Variants in FAM107B observed in about 807,000 individuals in gnomAD.
FAM107B encodes family with sequence similarity 107 member B, also known as protein FAM107B.
In FAM107B, 21 loss-of-function variants were observed where a neutral mutation model predicts 31.5. The ratio of observed to expected loss-of-function variants is 0.67; its 90% CI spans 0.47 to 0.96. The LOEUF (loss-of-function observed/expected upper bound fraction) is 0.96, where lower values mean the gene tolerates loss of function less well. Ranked by LOEUF, FAM107B falls within the 40% of genes least tolerant of loss-of-function variation. The probability of loss-of-function intolerance (pLI) is 0.00; values close to 1 mark genes in which losing one functional copy is unlikely to be tolerated. For missense variants in FAM107B, 452 were observed against 377.1 expected, an observed-to-expected ratio of 1.20 and a Z score of -1.64; for synonymous variants, 157 against 141.5, an observed-to-expected ratio of 1.11 and a Z score of -0.78.
chr10:14,743,658 G>A (rs561676620), intron 1 of FAM107B, among the ~76,000 whole-genome samples: 9 of 152,268 alleles, frequency 5.9e-5, no homozygotes, highest in Admixed American at 5.2e-4. Context: ...AAGATCAGAT[G>A]GTTGTAGATG....
chr10:14,545,383 G>T (rs1235831722), intron 2 of FAM107B, among the ~76,000 whole-genome samples: 2 of 152,124 alleles, frequency 1.3e-5, no homozygotes, highest in African/African-American at 4.8e-5. Flanking sequence ...CTGGGGGCTG[G>T]GGGTGTCCTG....
At chr10:14,669,783 C>T (rs1186729579) in intron 1 of FAM107B, among the ~76,000 whole-genome samples, 2 of 152,124 alleles carry the variant, frequency 1.3e-5, no homozygotes, top group Admixed American at 6.5e-5. Context: ...GGAAAGGGTG[C>T]GGTGTGGGGA....
intron 2 of FAM107B, among the ~76,000 whole-genome samples, chr10:14,657,092 G>C (rs1854079654): frequency 1.3e-5 from 2 of 152,222 alleles, no homozygotes; most frequent in Admixed American, 1.3e-4. Context: ...GGCTCACCTT[G>C]AATACAGAGG....
chr10:14,714,418 A>G (rs56159005), intron 1 of FAM107B, among the ~76,000 whole-genome samples: 8,001 of 152,278 alleles, frequency 0.053, 291 homozygotes, highest in Non-Finnish European at 0.079. Flanking sequence ...CGCAGGGATG[A>G]TGGTGCACCG....
intron 1 of FAM107B, among the ~76,000 whole-genome samples, chr10:14,749,715 T>C (rs1026447735): frequency 6.6e-6 from 1 of 152,092 alleles, no homozygotes; most frequent in African/African-American, 2.4e-5. Flanking sequence ...CCCTCTTCCA[T>C]CCCAGGGAGC....
chr10:14,613,681 A>T (rs1588659014), intron 2 of FAM107B, among the ~76,000 whole-genome samples: 1 of 152,132 alleles, frequency 6.6e-6, no homozygotes, highest in East Asian at 1.9e-4. Flanking sequence ...CAGAGTGCAT[A>T]TCCACTAATA....
chr10:14,660,581 A>C (rs747366882), intron 2 of FAM107B, among the ~76,000 whole-genome samples: 5 of 152,226 alleles, frequency 3.3e-5, no homozygotes, highest in Non-Finnish European at 7.3e-5. Context: ...TAGTAAGTGA[A>C]GGATCCGTAG....
In FAM107B at chr10:14,520,040, A is replaced by G. The variant is rs1354286712; in HGVS notation, c.*1150T>C. 2 of 152,672 alleles carry G rather than the reference A, an allele frequency of 1.3e-5. No homozygotes were observed. The highest frequency in any genetic ancestry group is 2.4e-5 in the African/African-American group (1 of 41,458). The allele number at this position is 152,672 out of a possible 1,614,324, so 9.5% of individuals were successfully genotyped here. The stretch of plus-strand genomic sequence containing the variant: ...GAGATGCAATATAGTAGTCATCGAC[A>G]TCATCCTTATCAACAGCATCATCAC... On this transcript the variant is annotated 3_prime_UTR_variant, in exon 5 of 5. Transcript: ENST00000181796.
rs1044187939 is a variant in FAM107B, at chr10:14,753,609, G to T, written c.411+20644C>A. 2.0e-5 allele frequency among the ~76,000 whole-genome samples: 3 copies of T among 152,268 alleles called. No individual in the cohort carries two copies. In the South Asian group the frequency reaches 6.2e-4, roughly 32 times the overall value. On this transcript the variant is annotated intron_variant, in intron 1 of 4. Transcript: ENST00000181796. ...TTTCCTCAGATCCATTATGTTTGTT[G>T]TGTGTAGATGGTTGGGAAGGAAATA...
chr10:14,604,120 CA>C, intron 2 of FAM107B: 210 of 502,500 alleles, frequency 4.2e-4, no homozygotes, highest in Non-Finnish European at 4.9e-4. Context: ...GGGGACCCCC[CA>C]CCCGCCCGGC....
intron 2 of FAM107B, among the ~76,000 whole-genome samples, chr10:14,564,955 C>T (rs915505727): frequency 1.3e-5 from 2 of 152,268 alleles, no homozygotes; most frequent in Admixed American, 1.3e-4. Flanking sequence ...CATGGTGGCT[C>T]ATGCCTGTAA....
At chr10:14,723,980 C>T (rs1441776210) in intron 1 of FAM107B, 1 of 754,122 alleles carries the variant, frequency 1.3e-6, no homozygotes, top group Non-Finnish European at 2.4e-6. Flanking sequence ...TTAGTGTCAC[C>T]TAAGTGGGTT....
chr10:14,602,390 A>G (rs1427216146), intron 2 of FAM107B: 1 of 152,256 alleles, frequency 6.6e-6, no homozygotes, highest in Non-Finnish European at 1.5e-5. Flanking sequence ...AGAGAATTCA[A>G]AAGTCCAAAA....
chr10:14,749,530 C>G (rs933718985), intron 1 of FAM107B, among the ~76,000 whole-genome samples: 1 of 152,202 alleles, frequency 6.6e-6, no homozygotes, highest in Admixed American at 6.5e-5. Context: ...TTTCCCCTGG[C>G]CCTAGCACCC....
chr10:14,558,946 A>G (rs931230868), intron 2 of FAM107B, among the ~76,000 whole-genome samples: 1 of 152,158 alleles, frequency 6.6e-6, no homozygotes, highest in African/African-American at 2.4e-5. Flanking sequence ...GGTCCAACAA[A>G]GAGTAACAGA....
chr10:14,645,473 G>GACAGCC (rs1853728889), intron 2 of FAM107B, among the ~76,000 whole-genome samples: 1 of 133,030 alleles, frequency 7.5e-6, no homozygotes, highest in African/African-American at 2.7e-5. Context: ...GTCTGATTCA[G>GACAGCC]ATGGTCCTTT....
In FAM107B at chr10:14,518,592, A is replaced by C. The variant is rs1385982438; in HGVS notation, c.*2598T>G. 1 of 152,680 alleles carries C rather than the reference A, an allele frequency of 6.5e-6. No individual in the cohort carries two copies. Among genetic ancestry groups the C allele is most frequent in the Admixed American group, 6.5e-5 (1 of 15,278 alleles). The allele number at this position is 152,680 out of a possible 1,614,324, so 9.5% of individuals were successfully genotyped here. On this transcript the variant is annotated 3_prime_UTR_variant, in exon 5 of 5. Coordinates refer to ENST00000181796, the MANE Select transcript of FAM107B (RefSeq NM_031453.4). ...CAAGCATGTGGTGATTTTTATTAAG[A>C]ATAACTTTGGTTCTAAGAATTCCAC...
intron 2 of FAM107B, among the ~76,000 whole-genome samples, chr10:14,659,746 T>C (rs1353932655): frequency 1.3e-5 from 2 of 152,070 alleles, no homozygotes; most frequent in Non-Finnish European, 2.9e-5. Flanking sequence ...TGTCAGAAAA[T>C]GGGTCTCGTT....
intron 2 of FAM107B, among the ~76,000 whole-genome samples, chr10:14,646,985 G>A (rs1228385338): frequency 1.3e-5 from 2 of 151,572 alleles, no homozygotes; most frequent in South Asian, 2.1e-4. Flanking sequence ...TAGTAGAGAC[G>A]GGGTTTCACC....
Sources: gnomAD v4.1 joint callset for allele counts (sites outside exome capture counted in the v4.1 genomes callset) on GRCh38, gnomAD v4.1.1 for gene constraint, MANE v1.5 for transcripts, NCBI Gene and HGNC (gene_info 2026-07-23, HGNC 2026-07-21) for gene names.